The following NDUFAF2 variants were observed in gnomAD, a reference collection of about 807,000 sequenced individuals.
The protein encoded by NDUFAF2 is NADH dehydrogenase [ubiquinone] 1 alpha subcomplex assembly factor 2.
Under a neutral mutation model 22.8 loss-of-function variants are expected in NDUFAF2, and 13 were observed. The observed-to-expected ratio is 0.57, with a 90% CI of 0.37 to 0.91. The LOEUF (loss-of-function observed/expected upper bound fraction) is 0.91, where lower values mean the gene tolerates loss of function less well. Ranked by LOEUF, NDUFAF2 falls within the 40% of genes least tolerant of loss-of-function variation. The pLI is 0.01. For synonymous variants in NDUFAF2, 53 were observed against 64.2 expected, an observed-to-expected ratio of 0.83 and a Z score of 0.84; for missense variants, 162 against 195.2, an observed-to-expected ratio of 0.83 and a Z score of 1.01.
chr5:61,142,302 T>A (rs1741071936), intron 3 of NDUFAF2, among the ~76,000 whole-genome samples: 1 of 152,240 alleles, frequency 6.6e-6, no homozygotes, highest in Admixed American at 6.5e-5. Context: ...TGTTAATGAC[T>A]TGAGCTCTGT....
At chr5:60,978,390 G>A (rs1580076479) in intron 1 of NDUFAF2, among the ~76,000 whole-genome samples, 2 of 152,226 alleles carry the variant, frequency 1.3e-5, no homozygotes, top group South Asian at 2.1e-4. Flanking sequence ...ACTGGCTCAC[G>A]GTTCTGCAGG....
intron 1 of NDUFAF2, among the ~76,000 whole-genome samples, chr5:61,022,451 A>T (rs533633503): frequency 1.8e-4 from 27 of 152,304 alleles, no homozygotes; most frequent in African/African-American, 6.3e-4. Flanking sequence ...TAGGGTATAG[A>T]ATTCTTGGAT....
At chr5:61,049,658 A>G (rs1751997855) in intron 1 of NDUFAF2, among the ~76,000 whole-genome samples, 1 of 152,040 alleles carries the variant, frequency 6.6e-6, no homozygotes, top group African/African-American at 2.4e-5. Flanking sequence ...TACTTTAAGT[A>G]CCTCATGTAA....
At chr5:61,003,577 A>G (rs1234178970) in intron 1 of NDUFAF2, among the ~76,000 whole-genome samples, 2 of 151,646 alleles carry the variant, frequency 1.3e-5, no homozygotes, top group Admixed American at 1.3e-4. Flanking sequence ...AATACACCAG[A>G]ACTTCAGATA....
At chr5:61,012,092 C>CTTTTTT (rs1751449572) in intron 1 of NDUFAF2, among the ~76,000 whole-genome samples, 1 of 152,084 alleles carries the variant, frequency 6.6e-6, no homozygotes, top group African/African-American at 2.4e-5. Flanking sequence ...ACCATTCACA[C>CTTTTTT]TGTTTTGTTT....
At chr5:61,092,218 A>G (rs1752577245) in intron 2 of NDUFAF2, among the ~76,000 whole-genome samples, 1 of 152,080 alleles carries the variant, frequency 6.6e-6, no homozygotes. Flanking sequence ...TTGGTTCCAT[A>G]TGAATTCTAA....
chr5:60,991,176 A>G (rs937121716), intron 1 of NDUFAF2, among the ~76,000 whole-genome samples: 5 of 152,086 alleles, frequency 3.3e-5, no homozygotes, highest in Admixed American at 1.3e-4. Context: ...AATTAAAAAA[A>G]TGTTTTTAAA....
intron 3 of NDUFAF2, among the ~76,000 whole-genome samples, chr5:61,114,122 C>T (rs1024043134): frequency 2.0e-5 from 3 of 151,968 alleles, no homozygotes; most frequent in Admixed American, 1.3e-4. Flanking sequence ...ACTTTCTTCC[C>T]CTATCTTTCT....
At chr5:60,978,096 C>A (rs2694528) in intron 1 of NDUFAF2, among the ~76,000 whole-genome samples, 132,723 of 151,990 alleles carry the variant, frequency 0.87, 58,241 homozygotes, top group East Asian at 0.95. Context: ...GGGAGAGTGC[C>A]GGGATTATCA....
At chr5:61,080,325 T>C (rs1752426470) in intron 2 of NDUFAF2, among the ~76,000 whole-genome samples, 1 of 152,234 alleles carries the variant, frequency 6.6e-6, no homozygotes, top group Non-Finnish European at 1.5e-5. Context: ...GTAGGTTTTA[T>C]TTTAAGTATA....
At chr5:61,052,037 T>C (rs1385423910) in intron 1 of NDUFAF2, among the ~76,000 whole-genome samples, 1 of 152,192 alleles carries the variant, frequency 6.6e-6, no homozygotes. Flanking sequence ...TTTATTTTGC[T>C]TTCATTCGAA....
At chr5:61,040,286 A>ACACACACACACACGCGCGCGCGCG (rs1491193758) in intron 1 of NDUFAF2, among the ~76,000 whole-genome samples, 3 of 93,070 alleles carry the variant, frequency 3.2e-5, no homozygotes, top group African/African-American at 1.3e-4. Context: ...ACACACACAC[A>ACACACACACACACGCGCGCGCGCG]CGCGCGCGCG....
In NDUFAF2 at chr5:61,118,022, A is replaced by G. The variant is rs541325770; in HGVS notation, c.258+18990A>G. On this transcript the variant is annotated intron_variant, in intron 3 of 3. Coordinates refer to ENST00000296597, the MANE Select transcript of NDUFAF2 (RefSeq NM_174889.5). ...ATATACCATTATGAATAGCTTTAAA[A>G]AATTAATTTCCTCATTCTCTCTTTC... Among the ~76,000 whole-genome samples, 8 of 152,258 alleles carry G rather than the reference A, an allele frequency of 5.3e-5. No individual in the cohort carries two copies. The South Asian group carries it at 1.7e-3, about 32-fold the overall frequency.
intron 2 of NDUFAF2, among the ~76,000 whole-genome samples, chr5:61,091,510 G>A (rs1752568430): frequency 6.6e-6 from 1 of 152,002 alleles, no homozygotes; most frequent in Non-Finnish European, 1.5e-5. Context: ...ACTTTTTAAT[G>A]GGGTTGTTTA....
intron 3 of NDUFAF2, among the ~76,000 whole-genome samples, chr5:61,130,588 G>A (rs1370920478): frequency 6.6e-6 from 1 of 152,018 alleles, no homozygotes; most frequent in African/African-American, 2.4e-5. Flanking sequence ...GACTTGATGT[G>A]TTTTTTCGGA....
chr5:60,982,173 G>A (rs544429206), intron 1 of NDUFAF2, among the ~76,000 whole-genome samples: 5 of 152,200 alleles, frequency 3.3e-5, no homozygotes, highest in East Asian at 1.9e-4. Context: ...AGGTACTCAC[G>A]ATCACTGATT....
chr5:61,048,631 C>G (rs374427506), intron 1 of NDUFAF2, among the ~76,000 whole-genome samples: 1 of 152,094 alleles, frequency 6.6e-6, no homozygotes, highest in African/African-American at 2.4e-5. Context: ...GCCATTACAC[C>G]TGGGCCAATA....
intron 1 of NDUFAF2, among the ~76,000 whole-genome samples, chr5:61,040,557 T>A (rs984561653): frequency 8.0e-5 from 12 of 150,812 alleles, no homozygotes; most frequent in Non-Finnish European, 1.6e-4. Flanking sequence ...AAATATATAT[T>A]TTTTTGCCTT....
chr5:61,026,787 G>T (rs764438533), intron 1 of NDUFAF2, among the ~76,000 whole-genome samples: 20 of 151,914 alleles, frequency 1.3e-4, no homozygotes, highest in Non-Finnish European at 2.8e-4. Flanking sequence ...AGTGTGGTGG[G>T]TTTTTTATTT....
Sources: allele counts gnomAD v4.1 joint callset (sites outside exome capture counted in the v4.1 genomes callset), GRCh38; gene constraint gnomAD v4.1.1; transcripts MANE v1.5; gene names NCBI Gene and HGNC (gene_info 2026-07-23, HGNC 2026-07-21).